RORC: variants seen among roughly 807,000 people sequenced by gnomAD.
The protein encoded by RORC is RAR related orphan receptor C.
Under a neutral mutation model 64.5 loss-of-function variants are expected in RORC, and 13 were observed. The observed-to-expected ratio is 0.20, with a 90% CI of 0.13 to 0.32. The LOEUF (loss-of-function observed/expected upper bound fraction) is 0.32, where lower values mean the gene tolerates loss of function less well. Among genes scored for constraint, RORC ranks in the 10% least tolerant of loss-of-function variants. The pLI, the probability that RORC is intolerant of heterozygous loss-of-function variation, is 1.00. For missense variants in RORC, 468 were observed against 669.5 expected (o/e 0.70, Z 3.32); for synonymous variants, 277 against 259.3 (o/e 1.07, Z -0.65).
In RORC at chr1:151,806,785, T is replaced by A. The variant is rs1651329689; in HGVS notation, c.*687A>T. 1 of 152,218 alleles carries A rather than the reference T, an allele frequency of 6.6e-6. No individual in the cohort carries two copies. Among genetic ancestry groups the A allele is most frequent in the African/African-American group, 2.4e-5 (1 of 41,448 alleles). 9.4% of individuals were successfully genotyped at this position (152,218 alleles called of 1,614,324 possible). A position where few individuals can be genotyped will look rare whatever the true frequency, so the allele number is the denominator to read the frequency against. ...ATAAGAGGTTTGAGTTTTAACTCTA[T>A]GTCTGAGATGCTCTTGGCCTTCATT... is the stretch of plus-strand genomic sequence containing the variant. On this transcript the variant is annotated 3_prime_UTR_variant, in exon 11 of 11. Transcript: ENST00000318247.
chr1:151,830,874 C>CTCTA lies in RORC; in HGVS notation c.40+847_40+850dup. On this transcript the variant is annotated intron_variant, in intron 1 of 10. Coordinates refer to ENST00000318247, the MANE Select transcript of RORC (RefSeq NM_005060.4). The surrounding 1 kb of genome is among the most constrained non-coding windows in gnomAD (Gnocchi z 4.0). ...CCCTGACGTGGCACCGGCTCCTGGCCTCTAGCCTTGCACCTCAGAGCAGTC... is the reference window on the plus strand; with the variant it reads ...CCCTGACGTGGCACCGGCTCCTGGCCTCTATCTAGCCTTGCACCTCAGAGCAGTC... 8.3e-7 allele frequency: 1 copy of CTCTA among 1,207,688 alleles called. No homozygotes were observed. The highest frequency in any genetic ancestry group is 1.4e-5 in the South Asian group (1 of 73,850). The allele number at this position is 1,207,688 out of a possible 1,614,324, so 74.8% of individuals were successfully genotyped here.
intron 3 of RORC, 36 bp downstream of exon 3, chr1:151,817,159 C>T (rs373236748): frequency 3.4e-5 from 48 of 1,399,860 alleles, no homozygotes; most frequent in Admixed American, 1.9e-4. Flanking sequence ...TGTATGCACA[C>T]GCACACATGC....
chr1:151,817,058 T>A, intron 3 of RORC, 137 bp downstream of exon 3: 1 of 778,412 alleles, frequency 1.3e-6, no homozygotes, highest in Non-Finnish European at 2.1e-6. Context: ...CAGGAGATCA[T>A]CCCTGGAGTC....
rs1434021169 is a variant in RORC, at chr1:151,813,626, G to A, written c.934-6C>T. 8 of 1,613,996 alleles carry A rather than the reference G, an allele frequency of 5.0e-6. No homozygotes were observed. The highest frequency in any genetic ancestry group is 6.8e-6 in the Non-Finnish European group (8 of 1,180,014). On this transcript the variant is annotated splice_region_variant and splice_polypyrimidine_tract_variant and intron_variant, in intron 6 of 10. Coordinates refer to ENST00000318247, the MANE Select transcript of RORC (RefSeq NM_005060.4). ...TCCCACATCTCCCACATGGACTGCA[G>A]GGAGGGAGGAGGGTCCCGCTGTAGC...
intron 2 of RORC, among the ~76,000 whole-genome samples, chr1:151,828,090 C>T (rs1652267090): frequency 1.3e-5 from 2 of 152,162 alleles, no homozygotes; most frequent in Admixed American, 1.3e-4. Context: ...CAACCCCCAC[C>T]CAGGAGGAGG....
chr1:151,825,613 T>C (rs535423889), intron 2 of RORC, among the ~76,000 whole-genome samples: 1 of 152,312 alleles, frequency 6.6e-6, no homozygotes, highest in African/African-American at 2.4e-5. Flanking sequence ...TGTGTAACAT[T>C]GGGCCAAGTA....
rs186493634 is a variant in RORC at position 151,810,361 on chromosome 1, A to G, written c.1395+964T>C. On this transcript the variant is annotated intron_variant, in intron 10 of 10. Coordinates refer to ENST00000318247, the MANE Select transcript of RORC (RefSeq NM_005060.4). The stretch of plus-strand genomic sequence containing the variant: ...CTTCCCTGGGAAGTATTTATGACCC[A>G]CTCCTTTTACCCCCAAATTATTTTT... Among the ~76,000 whole-genome samples, 351 of 151,898 alleles carry G rather than the reference A, an allele frequency of 2.3e-3. 10 individuals carry two copies. The highest frequency in any genetic ancestry group is 0.022 in the Admixed American group (333 of 15,268).
At chr1:151,816,131 G>A (rs1452928741) in intron 4 of RORC, among the ~76,000 whole-genome samples, 2 of 152,190 alleles carry the variant, frequency 1.3e-5, no homozygotes, top group Non-Finnish European at 2.9e-5. Context: ...CTGTGGTGGT[G>A]GAGGTGTGCA....
At chr1:151,827,043 G>A (rs571153620) in intron 2 of RORC, among the ~76,000 whole-genome samples, 2 of 152,192 alleles carry the variant, frequency 1.3e-5, no homozygotes, top group Non-Finnish European at 2.9e-5. Context: ...GCTTGAACCC[G>A]GGAGGCGGAG....
intron 3 of RORC, 88 bp from the exon 4 acceptor site, chr1:151,816,893 CTT>C (rs1651775219): frequency 1.5e-6 from 2 of 1,354,068 alleles, no homozygotes; most frequent in African/African-American, 3.0e-5. Context: ...GCTCTGGCAG[CTT>C]TTCTACATCC....
intron 2 of RORC, chr1:151,826,138 A>AC: frequency 2.4e-6 from 3 of 1,255,900 alleles, no homozygotes; most frequent in Non-Finnish European, 3.0e-6. Flanking sequence ...CCAAGTGACA[A>AC]CCCCCCACCC....
chr1:151,814,872 C>A, intron 5 of RORC, 41 bp downstream of exon 5: 1 of 1,589,528 alleles, frequency 6.3e-7, no homozygotes, highest in South Asian at 1.1e-5. Flanking sequence ...GGAAACCCCT[C>A]CCTCATCTCT....
chr1:151,815,308 G>A lies in RORC; in HGVS notation c.416C>T (p.Ala139Val). 6.2e-7 allele frequency: 1 copy of A among 1,608,200 alleles called. No homozygotes were observed. The highest frequency in any genetic ancestry group is 8.5e-7 in the Non-Finnish European group (1 of 1,176,410). Reference sequence around the variant, plus strand: ...GAGGGTATCTGCTCCTTGGGCCCCTGCTGGAGGGGTCTTGACCACTGGTTC... The same window carrying A: ...GAGGGTATCTGCTCCTTGGGCCCCTACTGGAGGGGTCTTGACCACTGGTTC... Reference protein sequence around the residue: ...QQEPVVKTPPAGAQGADTLTY... With the variant: ...QQEPVVKTPPVGAQGADTLTY... Residue 139 changes from alanine (A) to valine (V), a missense_variant, in exon 5 of 11, where the codon GCA becomes GTA. Around this residue, in one of 5 missense-constraint regions of RORC, gnomAD observed 241 missense variants for 295.5 expected, o/e 0.82. Coordinates refer to ENST00000318247, the MANE Select transcript of RORC (RefSeq NM_005060.4).
At chr1:151,822,352 A>G (rs2101669446) in intron 2 of RORC, among the ~76,000 whole-genome samples, 1 of 152,182 alleles carries the variant, frequency 6.6e-6, no homozygotes, top group South Asian at 2.1e-4. Context: ...GGCGAACACT[A>G]CCCCCAGCCC....
At chr1:151,831,334 A>G (rs895000454) in intron 1 of RORC, among the ~76,000 whole-genome samples, 3 of 152,154 alleles carry the variant, frequency 2.0e-5, no homozygotes, top group Non-Finnish European at 4.4e-5. Context: ...GGTCCTGGCC[A>G]GATCAAGGAA....
intron 9 of RORC, 151 bp downstream of exon 9, chr1:151,812,796 A>C (rs1651591207): frequency 1.8e-6 from 1 of 571,236 alleles, no homozygotes; most frequent in African/African-American, 1.9e-5. Context: ...ATTTTAACTC[A>C]TTTTATTTTA....
intron 10 of RORC, among the ~76,000 whole-genome samples, chr1:151,808,097 C>T (rs1204096592): frequency 6.6e-6 from 1 of 152,160 alleles, no homozygotes; most frequent in East Asian, 1.9e-4. Context: ...TTTGGGCTTT[C>T]CTCTGTGTAG....
At chr1:151,822,272 G>C (rs1003288877) in intron 2 of RORC, among the ~76,000 whole-genome samples, 1 of 152,104 alleles carries the variant, frequency 6.6e-6, no homozygotes, top group Non-Finnish European at 1.5e-5. Context: ...AAACCAAGGT[G>C]GTGGGTGCCA....
intron 6 of RORC, 42 bp downstream of exon 6, chr1:151,814,532 G>C (rs200106313): frequency 1.3e-5 from 20 of 1,584,394 alleles, no homozygotes; most frequent in Non-Finnish European, 1.6e-5. Flanking sequence ...TCTCCCGGTG[G>C]GGGTGGGATA....
Sources: gnomAD v4.1 joint callset for allele counts (sites outside exome capture counted in the v4.1 genomes callset) on GRCh38, gnomAD v4.1.1 for gene constraint, gnomAD v4.1.1 regional missense constraint, Gnocchi (gnomAD v3.1) non-coding constraint, MANE v1.5 for transcripts, NCBI Gene and HGNC (gene_info 2026-07-23, HGNC 2026-07-21) for gene names.